EYS: variants seen among roughly 807,000 people sequenced by gnomAD.
EYS encodes EGF-like photoreceptor maintenance factor, also known as protein eyes shut homolog.
A neutral mutation model predicts 282.1 loss-of-function variants in EYS; 250 were observed. The ratio of observed to expected loss-of-function variants is 0.89; its 90% CI spans 0.80 to 0.98. The LOEUF (loss-of-function observed/expected upper bound fraction) is 0.98, where lower values mean the gene tolerates loss of function less well. Among genes scored for constraint, EYS ranks in the 50% least tolerant of loss-of-function variants. The pLI is 0.00. For missense variants in EYS, 4,016 were observed against 3,709.0 expected (o/e 1.08, Z -2.15); for synonymous variants, 1,355 against 1,282.9 (o/e 1.06, Z -1.20).
intron 16 of EYS, among the ~76,000 whole-genome samples, chr6:64,906,862 G>C (rs532001223): frequency 4.9e-4 from 74 of 152,090 alleles, no homozygotes; most frequent in Non-Finnish European, 8.2e-4. Flanking sequence ...AAAGTAGAAA[G>C]ATAAAGAACC....
At chr6:65,078,553 T>C (rs1774128647) in intron 12 of EYS, among the ~76,000 whole-genome samples, 1 of 152,078 alleles carries the variant, frequency 6.6e-6, no homozygotes, top group East Asian at 1.9e-4. Context: ...TATTCATATG[T>C]ATGTGAATGA....
chr6:64,573,825 G>A (rs1234650868), intron 26 of EYS, among the ~76,000 whole-genome samples: 1 of 152,184 alleles, frequency 6.6e-6, no homozygotes, highest in Non-Finnish European at 1.5e-5. Context: ...TACACTGTTG[G>A]TGGGCGTGTA....
intron 12 of EYS, among the ~76,000 whole-genome samples, chr6:65,232,785 T>A (rs1172512565): frequency 6.6e-6 from 1 of 152,128 alleles, no homozygotes; most frequent in Non-Finnish European, 1.5e-5. Context: ...CTTCAACATA[T>A]GAATTTGGGT....
At chr6:64,560,512 C>A (rs1314867155) in intron 26 of EYS, among the ~76,000 whole-genome samples, 1 of 151,996 alleles carries the variant, frequency 6.6e-6, no homozygotes, top group Non-Finnish European at 1.5e-5. Context: ...TTCGCTTATT[C>A]TCTCAATTTC....
Position 64,192,523 on chromosome 6 carries a change from G to A in EYS, c.6424+38069C>T, listed in dbSNP as rs182339874. On this transcript the variant is annotated intron_variant, in intron 31 of 42. Coordinates refer to ENST00000503581, the MANE Select transcript of EYS (RefSeq NM_001142800.2). ...ATAGAACAGAGCCCTCAGAAATAAC[G>A]CCGCGTATCTACAACTATCTGATCT... Among the ~76,000 whole-genome samples, 902 of 152,018 alleles carry A rather than the reference G, an allele frequency of 5.9e-3. 11 individuals carry two copies. Among genetic ancestry groups the A allele is most frequent in the African/African-American group, 0.02 (843 of 41,460 alleles).
chr6:64,437,128 T>G (rs1382900809), intron 27 of EYS, among the ~76,000 whole-genome samples: 1 of 151,720 alleles, frequency 6.6e-6, no homozygotes, highest in African/African-American at 2.4e-5. Flanking sequence ...AAAAGACTCC[T>G]TTCCTTTATA....
At chr6:65,180,705 G>A (rs531064139) in intron 12 of EYS, among the ~76,000 whole-genome samples, 183 of 151,904 alleles carry the variant, frequency 1.2e-3, no homozygotes, top group Non-Finnish European at 2.1e-3. Flanking sequence ...GGAAAAAACT[G>A]CTTTAAAGTT....
chr6:65,599,779 G>C (rs186285342), intron 2 of EYS, among the ~76,000 whole-genome samples: 4 of 152,076 alleles, frequency 2.6e-5, no homozygotes, highest in African/African-American at 9.6e-5. Context: ...CCTTAAGATA[G>C]TGCCTATTCA....
At chr6:64,121,511 T>A (rs1295069565) in intron 31 of EYS, among the ~76,000 whole-genome samples, 2 of 152,238 alleles carry the variant, frequency 1.3e-5, no homozygotes, top group African/African-American at 4.8e-5. Flanking sequence ...AACCGTTATG[T>A]TTAACATCAT....
chr6:64,647,796 C>T (rs1357705860), intron 22 of EYS, among the ~76,000 whole-genome samples: 2 of 152,026 alleles, frequency 1.3e-5, no homozygotes, highest in Non-Finnish European at 2.9e-5. Context: ...TCTTTATTGG[C>T]AAAATTGTTC....
chr6:63,833,644 T>G (rs1390946088), intron 36 of EYS, among the ~76,000 whole-genome samples: 1 of 152,120 alleles, frequency 6.6e-6, no homozygotes, highest in African/African-American at 2.4e-5. Context: ...CCAAGGTAAT[T>G]TTTAGATTCA....
At position 64,475,657 on chromosome 6, in the gene EYS, T is replaced by C. The variant is rs761625732; in HGVS notation, c.5645-36305A>G. ...TCAGGTAAATATCATCATGATTGTG[T>C]CCTCGGCCCAATTCTTGCTCTATTA... On this transcript the variant is annotated intron_variant, in intron 26 of 42. Coordinates refer to ENST00000503581, the MANE Select transcript of EYS (RefSeq NM_001142800.2). Among the ~76,000 whole-genome samples the C allele has an allele frequency of 3.9e-5, 6 of 152,202 alleles. No individual in the cohort carries two copies. The East Asian group carries it at 7.7e-4, about 20-fold the overall frequency.
chr6:64,109,204 C>T (rs1773127596), intron 31 of EYS, among the ~76,000 whole-genome samples: 1 of 152,064 alleles, frequency 6.6e-6, no homozygotes, highest in Non-Finnish European at 1.5e-5. Context: ...TTAATTATTA[C>T]TCTATCATTA....
At chr6:64,765,016 C>T (rs538704907) in intron 22 of EYS, among the ~76,000 whole-genome samples, 8 of 152,208 alleles carry the variant, frequency 5.3e-5, no homozygotes, top group Non-Finnish European at 7.3e-5. Context: ...GGATTATAGG[C>T]GTCAGCCACC....
At chr6:64,557,931 C>T (rs1305878945) in intron 26 of EYS, among the ~76,000 whole-genome samples, 2 of 152,046 alleles carry the variant, frequency 1.3e-5, no homozygotes, top group Non-Finnish European at 2.9e-5. Context: ...CATTTACTAT[C>T]TGTTCTTTTA....
chr6:63,721,823 G>T, intron 42 of EYS, 26 bp from the exon 43 acceptor site: 1 of 1,520,066 alleles, frequency 6.6e-7, no homozygotes, highest in South Asian at 1.3e-5. Context: ...CAGTAAGTTT[G>T]ATTAGCAACA....
intron 12 of EYS, among the ~76,000 whole-genome samples, chr6:65,123,760 A>C (rs866926678): frequency 9.0e-5 from 12 of 133,032 alleles, no homozygotes; most frequent in African/African-American, 2.1e-4. Flanking sequence ...CCACCCACCC[A>C]CACACACACA....
At chr6:64,251,584 AG>A (rs1381471516) in intron 30 of EYS, among the ~76,000 whole-genome samples, 1 of 152,158 alleles carries the variant, frequency 6.6e-6, no homozygotes, top group Non-Finnish European at 1.5e-5. Flanking sequence ...AATAAAAGCA[AG>A]CAGCTATGTG....
At chr6:65,412,429 G>A (rs1767057661) in intron 5 of EYS, among the ~76,000 whole-genome samples, 1 of 152,136 alleles carries the variant, frequency 6.6e-6, no homozygotes, top group Non-Finnish European at 1.5e-5. Context: ...CAAAGTGGCT[G>A]TACTAGTTTA....
Sources: allele counts gnomAD v4.1 joint callset (sites outside exome capture counted in the v4.1 genomes callset), GRCh38; gene constraint gnomAD v4.1.1; transcripts MANE v1.5; gene names NCBI Gene and HGNC (gene_info 2026-07-23, HGNC 2026-07-21).